KCNAB1: variants seen among roughly 807,000 people sequenced by gnomAD.
The protein encoded by KCNAB1 is potassium voltage-gated channel subfamily A regulatory beta subunit 1.
Under a neutral mutation model 64.6 loss-of-function variants are expected in KCNAB1, and 35 were observed. The ratio of observed to expected loss-of-function variants is 0.54; its 90% CI spans 0.41 to 0.72. KCNAB1 has a LOEUF of 0.72. Among genes scored for constraint, KCNAB1 ranks in the 30% least tolerant of loss-of-function variants. KCNAB1 has a pLI of 0.00. For synonymous variants in KCNAB1, 177 were observed against 183.8 expected (o/e 0.96, Z 0.30); for missense variants, 401 against 512.9 (o/e 0.78, Z 2.11).
At chr3:156,277,449 G>A (rs1719408852) in intron 1 of KCNAB1, among the ~76,000 whole-genome samples, 1 of 152,142 alleles carries the variant, frequency 6.6e-6, no homozygotes, top group African/African-American at 2.4e-5. Context: ...AATGCAGTAT[G>A]TGTGAAGTGC....
rs1420426078 is a variant in KCNAB1, at chr3:156,452,413, G to A, written c.320-486G>A. The stretch of plus-strand genomic sequence containing the variant: ...TGTCACCTCCTGAGTCTTGTAAGTG[G>A]GCACTGGAAAGACCTCTAAGAGGGT... On this transcript the variant is annotated intron_variant, in intron 2 of 13. Coordinates refer to ENST00000490337, the MANE Select transcript of KCNAB1 (RefSeq NM_172160.3). The surrounding 1 kb of genome is among the most constrained non-coding windows in gnomAD (Gnocchi z 4.6). Among the ~76,000 whole-genome samples the A allele has an allele frequency of 6.6e-6, 1 of 152,146 alleles. No homozygotes were observed. The highest frequency in any genetic ancestry group is 6.5e-5 in the Admixed American group (1 of 15,282).
intron 1 of KCNAB1, among the ~76,000 whole-genome samples, chr3:156,387,014 CT>C (rs1194708289): frequency 0.019 from 1,722 of 90,536 alleles, 12 homozygotes; most frequent in Middle Eastern, 0.026. Context: ...TTCTCTCTCT[CT>C]TTTTTTTTTT....
At chr3:156,427,890 C>G (rs138781467) in intron 2 of KCNAB1, among the ~76,000 whole-genome samples, 2 of 152,290 alleles carry the variant, frequency 1.3e-5, no homozygotes, top group Non-Finnish European at 2.9e-5. Flanking sequence ...AAAAGTCTCA[C>G]ATTAGGAGCA....
intron 1 of KCNAB1, among the ~76,000 whole-genome samples, chr3:156,269,327 C>T (rs990405754): frequency 6.6e-5 from 10 of 152,100 alleles, no homozygotes; most frequent in African/African-American, 2.2e-4. Flanking sequence ...GACTTCTAGC[C>T]TTATTCAATT....
intron 1 of KCNAB1, among the ~76,000 whole-genome samples, chr3:156,249,996 A>T (rs1046877445): frequency 3.3e-5 from 5 of 152,212 alleles, no homozygotes; most frequent in African/African-American, 1.2e-4. Flanking sequence ...GGGGAAACTG[A>T]TTGGAGTGAT....
chr3:156,415,455 T>C (rs1437856877), intron 1 of KCNAB1, among the ~76,000 whole-genome samples: 1 of 151,926 alleles, frequency 6.6e-6, no homozygotes, highest in African/African-American at 2.4e-5. Flanking sequence ...ACCTTTCCTC[T>C]CCTTGGCCCA....
intron 2 of KCNAB1, among the ~76,000 whole-genome samples, chr3:156,447,922 G>C (rs1559889328): frequency 6.6e-6 from 1 of 152,196 alleles, no homozygotes; most frequent in Non-Finnish European, 1.5e-5. Context: ...AAGCAAGGCA[G>C]TCATTTAAAT....
intron 8 of KCNAB1, among the ~76,000 whole-genome samples, chr3:156,496,801 C>A (rs137984103): frequency 3.4e-4 from 52 of 152,110 alleles, no homozygotes; most frequent in East Asian, 2.9e-3. Context: ...GGAAGAGCCT[C>A]AGAAACAGCA....
chr3:156,357,038 A>G (rs1725287035), intron 1 of KCNAB1, among the ~76,000 whole-genome samples: 1 of 152,144 alleles, frequency 6.6e-6, no homozygotes, highest in Non-Finnish European at 1.5e-5. Context: ...GGTGAAGTGA[A>G]AGAAACAAAC....
chr3:156,201,123 G>C (rs1184408361), intron 1 of KCNAB1, among the ~76,000 whole-genome samples: 1 of 152,230 alleles, frequency 6.6e-6, no homozygotes, highest in East Asian at 1.9e-4. Context: ...CCCTGCTTCT[G>C]CTCACCCTCC....
chr3:156,245,515 T>C (rs1717402006), intron 1 of KCNAB1, among the ~76,000 whole-genome samples: 1 of 150,782 alleles, frequency 6.6e-6, no homozygotes, highest in Non-Finnish European at 1.5e-5. Context: ...CGCGTATGTG[T>C]ATGTGTGCTC....
intron 1 of KCNAB1, among the ~76,000 whole-genome samples, chr3:156,386,970 T>A (rs1051164439): frequency 2.0e-5 from 3 of 151,924 alleles, no homozygotes; most frequent in African/African-American, 7.3e-5. Context: ...GATTCATTCA[T>A]TCTTGCTTGC....
In KCNAB1 at chr3:156,267,756, A is replaced by T. The variant is rs187541129; in HGVS notation, c.275+146870A>T. On this transcript the variant is annotated intron_variant, in intron 1 of 13. Transcript: ENST00000490337. ...GTTTTCTTTGCTTTTTAATTTTTTT[A>T]AAAAAATTTTATGGGTACATAGTAG... Among the ~76,000 whole-genome samples the T allele has an allele frequency of 3.1e-3, 469 of 152,032 alleles. 1 individual carries two copies. The highest frequency in any genetic ancestry group is 0.016 in the South Asian group (77 of 4,796).
At chr3:156,183,581 C>T (rs779679202) in intron 1 of KCNAB1, among the ~76,000 whole-genome samples, 2 of 152,188 alleles carry the variant, frequency 1.3e-5, no homozygotes, top group African/African-American at 2.4e-5. Context: ...TAGCAGCTCA[C>T]CTAGTAGCCA....
intron 1 of KCNAB1, among the ~76,000 whole-genome samples, chr3:156,350,172 A>C (rs1724765881): frequency 1.3e-5 from 2 of 152,202 alleles, no homozygotes; most frequent in South Asian, 4.1e-4. Flanking sequence ...TGTCAGGATA[A>C]CTTTGGTTCA....
chr3:156,443,436 G>C (rs978853094), intron 2 of KCNAB1, among the ~76,000 whole-genome samples: 1 of 152,140 alleles, frequency 6.6e-6, no homozygotes, highest in Non-Finnish European at 1.5e-5. Flanking sequence ...CCAGGAATCA[G>C]CATGGGGCTG....
chr3:156,230,964 C>T (rs2108434465), intron 1 of KCNAB1, among the ~76,000 whole-genome samples: 1 of 152,308 alleles, frequency 6.6e-6, no homozygotes, highest in East Asian at 1.9e-4. Flanking sequence ...TTTCCCTCTT[C>T]TGGAGAAAAC....
chr3:156,288,822 A>C (rs1347944395), intron 1 of KCNAB1, among the ~76,000 whole-genome samples: 3 of 152,246 alleles, frequency 2.0e-5, no homozygotes, highest in Admixed American at 2.0e-4. Context: ...ACTCCTTTCA[A>C]GTGAGCTGGC....
At chr3:156,185,343 C>T (rs1034367907) in intron 1 of KCNAB1, among the ~76,000 whole-genome samples, 2 of 152,232 alleles carry the variant, frequency 1.3e-5, no homozygotes, top group Non-Finnish European at 2.9e-5. Flanking sequence ...TCCAGCCTCA[C>T]CATCTCCAAA....
Sources: gnomAD v4.1 joint callset for allele counts (sites outside exome capture counted in the v4.1 genomes callset) on GRCh38, gnomAD v4.1.1 for gene constraint, Gnocchi (gnomAD v3.1) non-coding constraint, MANE v1.5 for transcripts, NCBI Gene and HGNC (gene_info 2026-07-23, HGNC 2026-07-21) for gene names.